The following DPP6 variants were observed in gnomAD, a reference collection of about 807,000 sequenced individuals.
DPP6 encodes dipeptidyl peptidase like 6.
DPP6 carries 69 observed loss-of-function variants against 122.6 expected under a neutral mutation model. The observed-to-expected ratio is 0.56, with a 90% CI of 0.46 to 0.69. The LOEUF (loss-of-function observed/expected upper bound fraction) is 0.69, where lower values mean the gene tolerates loss of function less well. Ranked by LOEUF, DPP6 falls within the 30% of genes least tolerant of loss-of-function variation. The pLI is 0.00. For synonymous variants in DPP6, 418 were observed against 433.1 expected, an observed-to-expected ratio of 0.97 and a Z score of 0.43; for missense variants, 928 against 1,116.9, an observed-to-expected ratio of 0.83 and a Z score of 2.41.
At chr7:154,685,206 A>G (rs990471166) in intron 7 of DPP6, among the ~76,000 whole-genome samples, 2 of 152,208 alleles carry the variant, frequency 1.3e-5, no homozygotes, top group African/African-American at 2.4e-5. Flanking sequence ...AAAAATGCCA[A>G]TGTATTCGTA....
chr7:154,524,834 T>C (rs759854584), intron 3 of DPP6, among the ~76,000 whole-genome samples: 6 of 152,202 alleles, frequency 3.9e-5, no homozygotes, highest in South Asian at 2.1e-4. Flanking sequence ...CATGGTCTTA[T>C]TGATGTGTCC....
In DPP6 at chr7:154,801,351, A is replaced by C; in HGVS notation, c.1300-4A>C. 6.3e-7 allele frequency: 1 copy of C among 1,579,482 alleles called. No homozygotes were observed. The highest frequency in any genetic ancestry group is 1.2e-5 in the South Asian group (1 of 86,000). On this transcript the variant is annotated splice_polypyrimidine_tract_variant and splice_region_variant and intron_variant, in intron 12 of 25. Transcript: ENST00000377770. ...GTGGTTTCATCCGTGGCCTTTGTCC[A>C]CAGAATGAAGAACCTGTGTTCTCCA... is the stretch of plus-strand genomic sequence containing the variant.
At chr7:154,335,161 G>A (rs1460488075) in intron 1 of DPP6, among the ~76,000 whole-genome samples, 2 of 152,174 alleles carry the variant, frequency 1.3e-5, no homozygotes, top group Admixed American at 6.5e-5. Flanking sequence ...CTGATGTCAC[G>A]CACTGTCTAC....
chr7:154,774,616 G>A (rs1796452432), intron 10 of DPP6, among the ~76,000 whole-genome samples: 1 of 152,204 alleles, frequency 6.6e-6, no homozygotes, highest in African/African-American at 2.4e-5. Flanking sequence ...CATTTTATAT[G>A]CAATGTAAAT....
intron 5 of DPP6, among the ~76,000 whole-genome samples, chr7:154,568,445 C>T (rs1830901350): frequency 1.3e-5 from 2 of 152,186 alleles, no homozygotes; most frequent in African/African-American, 2.4e-5. Flanking sequence ...ATGAGCATTC[C>T]GTTCCCAGAA....
intron 1 of DPP6, among the ~76,000 whole-genome samples, chr7:154,332,510 C>T (rs559855927): frequency 2.0e-5 from 3 of 152,230 alleles, no homozygotes; most frequent in African/African-American, 4.8e-5. Flanking sequence ...GATGTTGGTC[C>T]ATGGATGACC....
intron 1 of DPP6, among the ~76,000 whole-genome samples, chr7:153,935,060 G>T (rs1055466354): frequency 6.6e-5 from 10 of 152,218 alleles, no homozygotes; most frequent in Non-Finnish European, 1.2e-4. Context: ...CCCCAGGGAT[G>T]GCGAATGTCC....
chr7:153,947,759 C>CAA (rs1261717728), intron 1 of DPP6, among the ~76,000 whole-genome samples: 10 of 152,162 alleles, frequency 6.6e-5, no homozygotes, highest in Non-Finnish European at 1.5e-4. Flanking sequence ...CAGCCTCCTC[C>CAA]CGGCTGCCTC....
At chr7:154,153,431 C>T (rs1459775915) in intron 1 of DPP6, among the ~76,000 whole-genome samples, 3 of 152,204 alleles carry the variant, frequency 2.0e-5, no homozygotes, top group African/African-American at 7.2e-5. Context: ...AGGCGATCTG[C>T]CCACCTCGGC....
Position 154,134,659 on chromosome 7 carries a change from C to G in DPP6, c.243+81596C>G, listed in dbSNP as rs1795451920. Among the ~76,000 whole-genome samples the G allele has an allele frequency of 2.0e-5, 3 of 152,144 alleles. No individual in the cohort carries two copies. In the South Asian group the frequency reaches 6.2e-4, roughly 31 times the overall value. ...CATGCTTCCTCTGAGCCCACACTTC[C>G]TGTGAGCATACACTTCCTGTAAGTG... On this transcript the variant is annotated intron_variant, in intron 1 of 25. Coordinates refer to ENST00000377770, the MANE Select transcript of DPP6 (RefSeq NM_130797.4).
At chr7:154,030,595 C>G (rs1799175562) in intron 1 of DPP6, among the ~76,000 whole-genome samples, 1 of 152,150 alleles carries the variant, frequency 6.6e-6, no homozygotes, top group Non-Finnish European at 1.5e-5. Flanking sequence ...GAGGTGAGCG[C>G]ATCTTTGCTT....
At chr7:153,853,893 T>TG in the DPP6 span, among the ~76,000 whole-genome samples, 1 of 150,976 alleles carries the variant, frequency 6.6e-6, no homozygotes, top group Non-Finnish European at 1.5e-5. Flanking sequence ...CCATTGCTTT[T>TG]GGTGTTTTGG....
chr7:154,234,278 C>T (rs1048144494), intron 1 of DPP6, among the ~76,000 whole-genome samples: 1 of 152,172 alleles, frequency 6.6e-6, no homozygotes, highest in African/African-American at 2.4e-5. Flanking sequence ...TCCTGGGAAA[C>T]AGCCTATGAG....
intron 1 of DPP6, among the ~76,000 whole-genome samples, chr7:153,939,532 A>C (rs1456023667): frequency 6.6e-6 from 1 of 152,154 alleles, no homozygotes; most frequent in Non-Finnish European, 1.5e-5. Flanking sequence ...GGGCACTGTG[A>C]GGAGTCTGAA....
chr7:154,870,989 G>GTA (rs1804336580), intron 18 of DPP6, among the ~76,000 whole-genome samples: 1 of 147,482 alleles, frequency 6.8e-6, no homozygotes, highest in Non-Finnish European at 1.5e-5. Context: ...AAAAAAATGT[G>GTA]TGTGTTATCC....
At chr7:153,991,301 T>A (rs1183357324) in intron 1 of DPP6, among the ~76,000 whole-genome samples, 3 of 152,166 alleles carry the variant, frequency 2.0e-5, no homozygotes, top group African/African-American at 4.8e-5. Context: ...TAGAGTGATC[T>A]TCTTTGGTAA....
At chr7:153,804,443 C>G in the DPP6 span, among the ~76,000 whole-genome samples, 1 of 152,134 alleles carries the variant, frequency 6.6e-6, no homozygotes, top group South Asian at 2.1e-4. Context: ...TTTAATATCT[C>G]TAGAATTAGG....
rs115675450 is a variant in DPP6 at position 154,673,346 on chromosome 7, G to A, written c.762+3905G>A. 9.4e-3 allele frequency among the ~76,000 whole-genome samples: 1,425 copies of A among 152,296 alleles called. 27 individuals carry two copies. The highest frequency in any genetic ancestry group is 0.031 in the African/African-American group (1,298 of 41,550). On this transcript the variant is annotated intron_variant, in intron 7 of 25. Coordinates refer to ENST00000377770, the MANE Select transcript of DPP6 (RefSeq NM_130797.4). ...TGATTTCAGTGATGCCTTTGGGTCT[G>A]GAGCCCCTATATCACAGGTGATGAC...
intron 1 of DPP6, among the ~76,000 whole-genome samples, chr7:154,329,107 TG>T (rs1563488565): frequency 6.6e-6 from 1 of 152,236 alleles, no homozygotes; most frequent in Admixed American, 6.5e-5. Flanking sequence ...AAGAATAGAT[TG>T]GAACAGTACA....
Sources: allele counts gnomAD v4.1 joint callset (sites outside exome capture counted in the v4.1 genomes callset), GRCh38; gene constraint gnomAD v4.1.1; transcripts MANE v1.5; gene names NCBI Gene and HGNC (gene_info 2026-07-23, HGNC 2026-07-21).